SLC5A7: variants seen among roughly 807,000 people sequenced by gnomAD.
SLC5A7 encodes the protein high affinity choline transporter 1.
In SLC5A7, 19 loss-of-function variants were observed where a neutral mutation model predicts 55.4. The ratio of observed to expected loss-of-function variants is 0.34; its 90% confidence interval spans 0.24 to 0.50. SLC5A7 has a LOEUF of 0.50. Ranked by LOEUF, SLC5A7 falls within the 20% of genes least tolerant of loss-of-function variation. The pLI is 0.98. For missense variants in SLC5A7, 506 were observed against 705.3 expected (o/e 0.72, Z 3.20); for synonymous variants, 265 against 263.7 (o/e 1.00, Z -0.05).
rs773799401 is a variant in SLC5A7 at position 107,993,075 on chromosome 2, T to G, written c.396T>G (p.Ile132Met). The G allele has an allele frequency of 8.7e-6, 14 of 1,614,242 alleles. 1 individual carries two copies. In the South Asian group the frequency reaches 1.5e-4, roughly 18 times the overall value. ...AACGCATGGGCGGACTCCTGTTTAT[T>G]CCTGCACTGATGGGAGAAATGTTCT... ...YGKRMGGLLF[I>M]PALMGEMFWA... The change falls in exon 4 of 9, where the codon ATT (isoleucine) becomes ATG (methionine). Residue 132 changes from isoleucine to methionine, a missense_variant. Ile to Met is a conservative substitution (Grantham distance 10, BLOSUM62 1). This residue lies in a region of SLC5A7 where 309 missense variants were observed against 478.6 expected (regional missense o/e 0.65). Coordinates refer to ENST00000264047, the MANE Select transcript of SLC5A7 (RefSeq NM_021815.5).
chr2:108,004,849 T>C lies in SLC5A7; in HGVS notation c.742-1200T>C, dbSNP rs183671463. Among the ~76,000 whole-genome samples, 36 of 152,328 alleles carry C rather than the reference T, an allele frequency of 2.4e-4. No homozygotes were observed. In the East Asian group the frequency reaches 5.0e-3, roughly 21 times the overall value. On this transcript the variant is annotated intron_variant, in intron 6 of 8. Coordinates refer to ENST00000264047, the MANE Select transcript of SLC5A7 (RefSeq NM_021815.5). ...ATCTGCACTTCATTTCTGCAGGTTTTCCTGTTAACATGCAGCTACCCTTTC... is the reference window on the plus strand; with the variant it reads ...ATCTGCACTTCATTTCTGCAGGTTTCCCTGTTAACATGCAGCTACCCTTTC...
intron 5 of SLC5A7, among the ~76,000 whole-genome samples, chr2:107,998,469 A>C (rs2104355781): frequency 6.6e-6 from 1 of 152,344 alleles, no homozygotes; most frequent in Non-Finnish European, 1.5e-5. Context: ...GAAAATTCTT[A>C]ATTATATAAG....
intron 1 of SLC5A7, among the ~76,000 whole-genome samples, chr2:107,987,429 A>G (rs1183912703): frequency 6.6e-6 from 1 of 152,168 alleles, no homozygotes; most frequent in African/African-American, 2.4e-5. Flanking sequence ...AATGAAGGAT[A>G]TTGGGCGAAG....
At chr2:107,999,668 TAG>T (rs1677808947) in intron 5 of SLC5A7, among the ~76,000 whole-genome samples, 1 of 152,180 alleles carries the variant, frequency 6.6e-6, no homozygotes, top group African/African-American at 2.4e-5. Flanking sequence ...ACTTACCCCT[TAG>T]ACCACCTTCT....
intron 5 of SLC5A7, among the ~76,000 whole-genome samples, chr2:107,998,682 A>G (rs1000484135): frequency 1.2e-4 from 18 of 152,332 alleles, no homozygotes; most frequent in Middle Eastern, 3.4e-3. Context: ...TGGTGTGTCC[A>G]TGCTGGGCTA....
chr2:108,012,988 A>G lies in SLC5A7; in HGVS notation c.*2127A>G, dbSNP rs553284394. On this transcript the variant is annotated 3_prime_UTR_variant, in exon 9 of 9. Transcript: ENST00000264047. ...CATCTGTCTCAACCTGCTGAGGCAC[A>G]GACTTCCACCATGTGCATCAGGAAA... 1.2e-4 allele frequency: 19 copies of G among 152,248 alleles called. No individual in the cohort carries two copies. The highest frequency in any genetic ancestry group is 3.6e-4 in the African/African-American group (15 of 41,544). 9.4% of individuals were successfully genotyped at this position (152,248 alleles called of 1,614,324 possible). A position where few individuals can be genotyped will look rare whatever the true frequency, so the allele number is the denominator to read the frequency against.
intron 6 of SLC5A7, among the ~76,000 whole-genome samples, chr2:108,003,899 G>T (rs904543470): frequency 3.3e-5 from 5 of 152,170 alleles, no homozygotes; most frequent in African/African-American, 1.2e-4. Flanking sequence ...GTACCAGCAT[G>T]ATTAGGTTCT....
chr2:108,002,028 T>C lies in SLC5A7; in HGVS notation c.729T>C (p.Ser243=), dbSNP rs972194774. 12 of 1,613,838 alleles carry C rather than the reference T, an allele frequency of 7.4e-6. No homozygotes were observed. Among genetic ancestry groups the C allele is most frequent in the African/African-American group, 2.7e-5 (2 of 74,922 alleles). Residue 243 remains serine, a synonymous_variant, in exon 6 of 9, where the codon AGT becomes AGC. Transcript: ENST00000264047. The part of the protein sequence containing the change: ...DSSEVYSWLD[S]FLLLMLGGIP... The stretch of plus-strand genomic sequence containing the variant: ...CTGAAGTCTACTCTTGGCTTGATAG[T>C]TTTCTGTTGTTGGTAAGTAATGCTC...
rs748813249 is a variant in SLC5A7 at position 107,992,945 on chromosome 2, T to C, written c.293-27T>C. ...CTATTATATTACATTCTTTTTATTT[T>C]CTCCTAAACAGTTGCTTAATTTTTA... On this transcript the variant is annotated intron_variant, in intron 3 of 8. Transcript: ENST00000264047. 3.7e-6 allele frequency: 6 copies of C among 1,604,880 alleles called. No homozygotes were observed. The African/African-American group carries it at 6.7e-5, about 18-fold the overall frequency.
chr2:108,010,529 G>C lies in SLC5A7; in HGVS notation c.1411G>C (p.Gly471Arg). Residue 471 changes from glycine (G) to arginine (R), a missense_variant, in exon 9 of 9, where the codon GGT becomes CGT. Coordinates refer to ENST00000264047, the MANE Select transcript of SLC5A7 (RefSeq NM_021815.5). ...FYPGYYPDDN[G>R]IYNQKFPFKT... ...CCCTGGCTATTACCCTGATGATAAT[G>C]GTATATATAATCAGAAATTTCCATT... 1 of 1,613,700 alleles carries C rather than the reference G, an allele frequency of 6.2e-7. No homozygotes were observed. The highest frequency in any genetic ancestry group is 8.5e-7 in the Non-Finnish European group (1 of 1,179,822).
At chr2:108,007,759 TA>T (rs1031758174) in intron 7 of SLC5A7, among the ~76,000 whole-genome samples, 4 of 152,068 alleles carry the variant, frequency 2.6e-5, no homozygotes, top group Non-Finnish European at 5.9e-5. Context: ...GTTCAGCAAA[TA>T]AAAAGCCGAC....
chr2:108,005,520 C>T (rs1678073500), intron 6 of SLC5A7, among the ~76,000 whole-genome samples: 1 of 152,160 alleles, frequency 6.6e-6, no homozygotes, highest in African/African-American at 2.4e-5. Flanking sequence ...GAGAAAACTT[C>T]AGGAAATTCT....
chr2:107,993,352 C>T (rs1474585173), intron 4 of SLC5A7, among the ~76,000 whole-genome samples: 1 of 152,174 alleles, frequency 6.6e-6, no homozygotes, highest in African/African-American at 2.4e-5. Flanking sequence ...TGAATTGCCT[C>T]ATTAGACCAA....
At position 108,006,490 on chromosome 2, in the gene SLC5A7, G is replaced by A. The variant is rs6759730; in HGVS notation, c.895+288G>A. 0.81 allele frequency among the ~76,000 whole-genome samples: 122,070 copies of A among 150,830 alleles called. 49,552 individuals carry two copies. Among genetic ancestry groups the A allele is most frequent in the East Asian group, 0.85 (4,323 of 5,096 alleles). Reference sequence around the variant, plus strand: ...CTGCCTCGGTCTCCCAAAGTGCTGGGATTATAGGTGTGAGCTACTGCGCCC... The same window carrying A: ...CTGCCTCGGTCTCCCAAAGTGCTGGAATTATAGGTGTGAGCTACTGCGCCC... On this transcript the variant is annotated intron_variant, in intron 7 of 8. Transcript: ENST00000264047.
intron 8 of SLC5A7, 110 bp downstream of exon 8, chr2:108,008,792 ATCT>A: frequency 1.3e-6 from 1 of 745,112 alleles, no homozygotes; most frequent in South Asian, 3.0e-5. Context: ...TCTATGTTAA[ATCT>A]GACTGTACTT....
intron 5 of SLC5A7, among the ~76,000 whole-genome samples, chr2:107,999,835 G>A (rs1046592607): frequency 6.6e-6 from 1 of 151,834 alleles, no homozygotes; most frequent in African/African-American, 2.4e-5. Flanking sequence ...TTTTAGTACC[G>A]ATATTTTTTC....
intron 7 of SLC5A7, among the ~76,000 whole-genome samples, 163 bp from the exon 8 acceptor site, chr2:108,008,302 G>GA (rs1477956596): frequency 6.6e-6 from 1 of 152,186 alleles, no homozygotes; most frequent in Middle Eastern, 3.2e-3. Flanking sequence ...GAAGCCAAGA[G>GA]ATATAAGACA....
chr2:107,991,755 A>G (rs1386513955), intron 2 of SLC5A7, among the ~76,000 whole-genome samples: 1 of 152,170 alleles, frequency 6.6e-6, no homozygotes, highest in East Asian at 1.9e-4. Flanking sequence ...TGCTGACTCA[A>G]TGCATTTAGA....
Position 107,998,005 on chromosome 2 carries a change from G to A in SLC5A7, c.597+19G>A, listed in dbSNP as rs1288123188. On this transcript the variant is annotated intron_variant, in intron 5 of 8. Coordinates refer to ENST00000264047, the MANE Select transcript of SLC5A7 (RefSeq NM_021815.5). ...AGGGCTGGTAAGTGGGAGCACCCAA[G>A]ATTCTCCTCCTTTTTTTCTGTAAAA... The A allele has an allele frequency of 6.3e-7, 1 of 1,598,168 alleles. No individual in the cohort carries two copies.
Sources: gnomAD v4.1 joint callset for allele counts (sites outside exome capture counted in the v4.1 genomes callset) on GRCh38, gnomAD v4.1.1 for gene constraint, gnomAD v4.1.1 regional missense constraint, MANE v1.5 for transcripts, NCBI Gene and HGNC (gene_info 2026-07-23, HGNC 2026-07-21) for gene names.